The following GRID1 variants were observed in gnomAD, a reference collection of about 807,000 sequenced individuals.
GRID1 encodes the protein glutamate receptor ionotropic, delta-1.
GRID1 carries 28 observed loss-of-function variants against 98.0 expected under a neutral mutation model. The ratio of observed to expected loss-of-function variants is 0.29; its 90% CI spans 0.21 to 0.39. GRID1 has a LOEUF of 0.39. Ranked by LOEUF, GRID1 falls within the 10% of genes least tolerant of loss-of-function variation. GRID1 has a pLI of 1.00. For missense variants in GRID1, 1,111 were observed against 1,340.5 expected (o/e 0.83, Z 2.67); for synonymous variants, 553 against 538.5 (o/e 1.03, Z -0.37).
intron 2 of GRID1, among the ~76,000 whole-genome samples, chr10:86,291,025 C>T (rs1421008215): frequency 6.6e-6 from 1 of 152,166 alleles, no homozygotes; most frequent in Non-Finnish European, 1.5e-5. Flanking sequence ...AGCAAAGCTC[C>T]AGGTCCCAAG....
intron 2 of GRID1, among the ~76,000 whole-genome samples, chr10:86,303,648 C>G (rs763516186): frequency 1.3e-5 from 2 of 152,240 alleles, no homozygotes; most frequent in Admixed American, 6.5e-5. Flanking sequence ...TAATGGACAT[C>G]GCGTTGCCCC....
At position 85,916,315 on chromosome 10, in the gene GRID1, A is replaced by G. The variant is rs558107158; in HGVS notation, c.727-76T>C. On this transcript the variant is annotated intron_variant, in intron 4 of 15. Coordinates refer to ENST00000327946, the MANE Select transcript of GRID1 (RefSeq NM_017551.3). The surrounding 1 kb of genome is among the most constrained non-coding windows in gnomAD (Gnocchi z 4.0). The stretch of plus-strand genomic sequence containing the variant: ...AGACACAGGATGATTGCCGAGACAG[A>G]GTTTTATAAACATTGTTCTTGGAGA... 5.6e-4 allele frequency: 602 copies of G among 1,074,274 alleles called. 10 individuals are homozygous for G. The South Asian group carries it at 7.3e-3, about 13-fold the overall frequency. 66.5% of individuals were successfully genotyped at this position (1,074,274 alleles called of 1,614,324 possible).
intron 4 of GRID1, among the ~76,000 whole-genome samples, chr10:86,090,264 CAA>C (rs761084127): frequency 1.6e-5 from 2 of 124,354 alleles, no homozygotes; most frequent in Admixed American, 8.2e-5. Flanking sequence ...CTAAAAATGC[CAA>C]AAAAAAAAAA....
chr10:85,729,867 G>C (rs1352966755), intron 8 of GRID1, among the ~76,000 whole-genome samples: 1 of 152,202 alleles, frequency 6.6e-6, no homozygotes, highest in Non-Finnish European at 1.5e-5. Flanking sequence ...CAACTGGTGA[G>C]AACTTGTCTC....
intron 8 of GRID1, among the ~76,000 whole-genome samples, chr10:85,779,175 T>A (rs17105871): frequency 0.11 from 16,646 of 152,222 alleles, 1,171 homozygotes; most frequent in African/African-American, 0.2. Flanking sequence ...AAGGAAAATG[T>A]AGCTCGGAAG....
At chr10:85,727,577 A>C (rs1185861877) in intron 10 of GRID1, among the ~76,000 whole-genome samples, 2 of 152,152 alleles carry the variant, frequency 1.3e-5, no homozygotes, top group Admixed American at 6.5e-5. Context: ...GGTTCCTTGA[A>C]GGGTGTGCTA....
At chr10:86,292,760 G>A (rs1327427271) in intron 2 of GRID1, among the ~76,000 whole-genome samples, 1 of 151,942 alleles carries the variant, frequency 6.6e-6, no homozygotes, top group African/African-American at 2.4e-5. Context: ...GAGTGGGTGT[G>A]AGTGTGACGG....
intron 8 of GRID1, among the ~76,000 whole-genome samples, chr10:85,853,860 G>A (rs1185727578): frequency 1.3e-5 from 2 of 152,174 alleles, no homozygotes; most frequent in Non-Finnish European, 2.9e-5. Context: ...ACTATCCACA[G>A]TCCTGAAAAC....
intron 2 of GRID1, among the ~76,000 whole-genome samples, chr10:86,213,349 GAC>G (rs929163858): frequency 1.4e-4 from 22 of 151,994 alleles, no homozygotes; most frequent in Admixed American, 1.2e-3. Context: ...TCCCCACGCT[GAC>G]ACATCTCTAC....
intron 8 of GRID1, among the ~76,000 whole-genome samples, chr10:85,732,651 G>A (rs149579681): frequency 8.5e-5 from 13 of 152,234 alleles, no homozygotes; most frequent in Admixed American, 2.0e-4. Context: ...CATTGGTTTC[G>A]CTGCTCTCAG....
intron 12 of GRID1, among the ~76,000 whole-genome samples, chr10:85,673,124 T>A (rs949860232): frequency 1.3e-5 from 2 of 152,186 alleles, no homozygotes; most frequent in African/African-American, 4.8e-5. Context: ...TAACTGCATA[T>A]GTGGTAGAAA....
chr10:86,085,111 A>AC (rs1276760003), intron 4 of GRID1, among the ~76,000 whole-genome samples: 1 of 152,136 alleles, frequency 6.6e-6, no homozygotes, highest in African/African-American at 2.4e-5. Context: ...TCAGGAAGAA[A>AC]CCCCCGTGAT....
In GRID1 at chr10:86,346,987, G is replaced by A. The variant is rs542581503; in HGVS notation, c.235+16954C>T. On this transcript the variant is annotated intron_variant, in intron 2 of 15. Coordinates refer to ENST00000327946, the MANE Select transcript of GRID1 (RefSeq NM_017551.3). ...GAGAGGCCCAGGCCCGGTACCCTGC[G>A]TGAACGCTGAGCACAGGTGTCATCC... 5.9e-5 allele frequency among the ~76,000 whole-genome samples: 9 copies of A among 152,244 alleles called. No individual in the cohort carries two copies. In the East Asian group the frequency reaches 1.5e-3, roughly 26 times the overall value.
At chr10:86,125,121 T>C (rs1462621278) in intron 4 of GRID1, among the ~76,000 whole-genome samples, 1 of 152,232 alleles carries the variant, frequency 6.6e-6, no homozygotes, top group African/African-American at 2.4e-5. Context: ...CTGGACGTGC[T>C]GCACCCACAG....
At chr10:85,789,109 A>G (rs962743818) in intron 8 of GRID1, among the ~76,000 whole-genome samples, 1 of 152,202 alleles carries the variant, frequency 6.6e-6, no homozygotes, top group Admixed American at 6.5e-5. Flanking sequence ...GAATATAAAT[A>G]AGTAAATATA....
intron 8 of GRID1, among the ~76,000 whole-genome samples, chr10:85,776,882 T>C (rs975573822): frequency 6.6e-6 from 1 of 152,216 alleles, no homozygotes; most frequent in Admixed American, 6.5e-5. Flanking sequence ...GCTTGCTCAC[T>C]AGCCAAGCTT....
intron 13 of GRID1, among the ~76,000 whole-genome samples, chr10:85,634,291 T>TCTCTCTCACA (rs1162030685): frequency 3.4e-4 from 35 of 102,988 alleles, no homozygotes; most frequent in East Asian, 9.2e-4. Context: ...TCTCTCTCTC[T>TCTCTCTCACA]CACACACACA....
chr10:85,727,522 C>T (rs1253688188), intron 10 of GRID1, among the ~76,000 whole-genome samples: 1 of 152,132 alleles, frequency 6.6e-6, no homozygotes, highest in Admixed American at 6.5e-5. Context: ...CTCATCAGTA[C>T]CCCTGGTGGG....
At chr10:85,691,010 G>A (rs1841325400) in intron 12 of GRID1, among the ~76,000 whole-genome samples, 1 of 152,180 alleles carries the variant, frequency 6.6e-6, no homozygotes, top group South Asian at 2.1e-4. Context: ...CCAACACAAT[G>A]CTGAATCATA....
Sources: gnomAD v4.1 joint callset for allele counts (sites outside exome capture counted in the v4.1 genomes callset) on GRCh38, gnomAD v4.1.1 for gene constraint, Gnocchi (gnomAD v3.1) non-coding constraint, MANE v1.5 for transcripts, NCBI Gene and HGNC (gene_info 2026-07-23, HGNC 2026-07-21) for gene names.